Variants in LYST observed in about 807,000 individuals in gnomAD.
LYST encodes the protein lysosomal-trafficking regulator.
A neutral mutation model predicts 413.6 loss-of-function variants in LYST; 192 were observed. The observed-to-expected ratio is 0.46, with a 90% CI of 0.41 to 0.52. The LOEUF (loss-of-function observed/expected upper bound fraction) is 0.52. LYST is among the 20% of genes least tolerant of loss of function. LYST has a pLI of 0.00. For missense variants in LYST, 3,815 were observed against 4,499.9 expected (o/e 0.85, Z 4.35); for synonymous variants, 1,525 against 1,567.3 (o/e 0.97, Z 0.64).
chr1:235,753,777 T>C (rs1031634258), intron 25 of LYST, among the ~76,000 whole-genome samples: 1 of 152,214 alleles, frequency 6.6e-6, no homozygotes, highest in African/African-American at 2.4e-5. Context: ...TATGTGGTGA[T>C]ATATGTCCTC....
chr1:235,779,985 A>T (rs1281787225), intron 16 of LYST, among the ~76,000 whole-genome samples: 1 of 152,170 alleles, frequency 6.6e-6, no homozygotes, highest in Non-Finnish European at 1.5e-5. Flanking sequence ...AATCCTCACC[A>T]CTAGCTCCTA....
intron 26 of LYST, 65 bp from the exon 27 acceptor site, chr1:235,752,236 A>C (rs1276018161): frequency 5.0e-6 from 6 of 1,196,150 alleles, no homozygotes; most frequent in Admixed American, 3.5e-5. Flanking sequence ...AATTTAAGAC[A>C]CAGCTAACTG....
chr1:235,875,562 T>C (rs1385620760), intron 1 of LYST, among the ~76,000 whole-genome samples: 1 of 152,180 alleles, frequency 6.6e-6, no homozygotes, highest in African/African-American at 2.4e-5. Flanking sequence ...GGCAGCTACA[T>C]CATGCTGATG....
chr1:235,830,165 A>G (rs1455206382), intron 3 of LYST, 61 bp downstream of exon 3: 10 of 1,272,320 alleles, frequency 7.9e-6, no homozygotes, highest in Non-Finnish European at 1.1e-5. Flanking sequence ...ATCCAAAACC[A>G]TGTAGCTACA....
chr1:235,857,742 TACACAC>T (rs56208034), intron 1 of LYST, among the ~76,000 whole-genome samples: 12,580 of 129,182 alleles, frequency 0.097, 652 homozygotes, highest in Middle Eastern at 0.14. Context: ...CATATGTAAA[TACACAC>T]ACACACACAC....
intron 12 of LYST, among the ~76,000 whole-genome samples, chr1:235,789,966 G>A (rs1670823013): frequency 1.3e-5 from 2 of 152,060 alleles, no homozygotes. Flanking sequence ...AGGTTAATTT[G>A]CCCAAAGGCA....
At chr1:235,741,153 T>C (rs931031768) in intron 31 of LYST, among the ~76,000 whole-genome samples, 2 of 152,218 alleles carry the variant, frequency 1.3e-5, no homozygotes, top group Non-Finnish European at 2.9e-5. Flanking sequence ...CACTTCAAGA[T>C]GTGTTAACAC....
rs1667340680 is a variant in LYST at position 235,759,249 on chromosome 1, C to T, written c.6604G>A (p.Ala2202Thr). 2 of 1,614,024 alleles carry T rather than the reference C, an allele frequency of 1.2e-6. No homozygotes were observed. The highest frequency in any genetic ancestry group is 1.1e-5 in the South Asian group (1 of 91,090). Residue 2202 changes from alanine (A) to threonine (T), a missense_variant, in exon 23 of 53, where the codon GCA becomes ACA. Coordinates refer to ENST00000389793, the MANE Select transcript of LYST (RefSeq NM_000081.4). ...TCTGCTCCCAACTGTTTATGATCTG[C>T]TTTGACCACTGGAAATCCCAGCACT... ...KGVLGFPVVK[A>T]DHKQLGAEPR... is the part of the protein sequence containing the mutation.
In LYST at chr1:235,685,944, T is replaced by G. The variant is rs568387817; in HGVS notation, c.10800+1005A>C. On this transcript the variant is annotated intron_variant, in intron 48 of 52. Transcript: ENST00000389793. ...ACAGGTTTCACTCAGTAAAACAGAT[T>G]TAATACTATAAAGAAAATTATAATG... Among the ~76,000 whole-genome samples, 19 of 152,048 alleles carry G rather than the reference T, an allele frequency of 1.2e-4. No individual in the cohort carries two copies. In the East Asian group the frequency reaches 3.7e-3, roughly 29 times the overall value.
chr1:235,801,938 G>A (rs965742665), intron 8 of LYST, among the ~76,000 whole-genome samples: 1 of 152,224 alleles, frequency 6.6e-6, no homozygotes. Context: ...GCTCACGCCT[G>A]TAATCCCAGC....
chr1:235,877,879 A>G (rs1681213062), intron 1 of LYST, among the ~76,000 whole-genome samples: 1 of 140,610 alleles, frequency 7.1e-6, no homozygotes, highest in Non-Finnish European at 1.5e-5. Flanking sequence ...AAAAAAATCT[A>G]AAACACACAT....
chr1:235,786,728 G>A (rs2103500996), intron 14 of LYST, among the ~76,000 whole-genome samples: 1 of 152,082 alleles, frequency 6.6e-6, no homozygotes, highest in African/African-American at 2.4e-5. Flanking sequence ...CATAAAAAAG[G>A]ATGAGTTCAT....
In LYST at chr1:235,662,619, G is replaced by T; in HGVS notation, c.*321C>A. 2.8e-6 allele frequency: 1 copy of T among 363,604 alleles called. No homozygotes were observed. The highest frequency in any genetic ancestry group is 5.2e-6 in the Non-Finnish European group (1 of 190,872). 22.5% of individuals were successfully genotyped at this position (363,604 alleles called of 1,614,324 possible). On this transcript the variant is annotated 3_prime_UTR_variant, in exon 53 of 53. Coordinates refer to ENST00000389793, the MANE Select transcript of LYST (RefSeq NM_000081.4). ...TGGTCCTTTTGGAATCATAGAAAAA[G>T]GGGAGACCTTAATATTTTCTTTGGA...
At chr1:235,814,160 T>C (rs1198403234) in intron 3 of LYST, among the ~76,000 whole-genome samples, 1 of 152,164 alleles carries the variant, frequency 6.6e-6, no homozygotes, top group East Asian at 1.9e-4. Flanking sequence ...TAGCTGATAA[T>C]GTATTCACCA....
At chr1:235,801,317 C>T (rs1017299298) in intron 8 of LYST, among the ~76,000 whole-genome samples, 22 of 151,536 alleles carry the variant, frequency 1.5e-4, no homozygotes, top group African/African-American at 5.3e-4. Context: ...AATAGAACTA[C>T]AAATTTTACA....
chr1:235,703,609 A>G (rs566046441), intron 44 of LYST, among the ~76,000 whole-genome samples: 187 of 152,328 alleles, frequency 1.2e-3, no homozygotes, highest in Admixed American at 3.7e-3. Context: ...CTTTTCGTAT[A>G]TTTAATCAGT....
intron 1 of LYST, among the ~76,000 whole-genome samples, chr1:235,881,772 A>T (rs1558377281): frequency 1.3e-5 from 2 of 152,208 alleles, no homozygotes; most frequent in Non-Finnish European, 2.9e-5. Context: ...AGCCTCTCAC[A>T]AAAGGACAAA....
chr1:235,880,831 A>G (rs1681344179), intron 1 of LYST, among the ~76,000 whole-genome samples: 1 of 152,206 alleles, frequency 6.6e-6, no homozygotes, highest in Non-Finnish European at 1.5e-5. Context: ...TCCTTTAAAG[A>G]ATTCCATTTA....
At chr1:235,842,581 C>T (rs1259997453) in intron 1 of LYST, among the ~76,000 whole-genome samples, 5 of 152,202 alleles carry the variant, frequency 3.3e-5, no homozygotes, top group African/African-American at 1.2e-4. Context: ...AGCAGGCATT[C>T]GATTCTACTC....
Sources: allele counts gnomAD v4.1 joint callset (sites outside exome capture counted in the v4.1 genomes callset), GRCh38; gene constraint gnomAD v4.1.1; transcripts MANE v1.5; gene names NCBI Gene and HGNC (gene_info 2026-07-23, HGNC 2026-07-21).